C16orf89: variants seen among roughly 807,000 people sequenced by gnomAD.
C16orf89 encodes UPF0764 protein C16orf89.
Under a neutral mutation model 41.5 loss-of-function variants are expected in C16orf89, and 57 were observed. The observed-to-expected ratio is 1.38, with a 90% confidence interval of 1.11 to 1.71. The LOEUF is 1.71. Ranked by LOEUF, C16orf89 falls within the 40% of genes most tolerant of loss-of-function variation. The pLI, the probability that C16orf89 is intolerant of heterozygous loss-of-function variation, is 0.00. For missense variants in C16orf89, 575 were observed against 445.9 expected (o/e 1.29, Z -2.61); for synonymous variants, 223 against 190.6 (o/e 1.17, Z -1.40).
At chr16:5,065,666 C>T in intron 1 of C16orf89, 35 bp downstream of exon 1, 1 of 1,581,026 alleles carries the variant, frequency 6.3e-7, no homozygotes, top group East Asian at 2.2e-5. Context: ...AGCTAGCTTC[C>T]CAGTGTCCAG....
chr16:5,047,987 A>G (rs1321526888), intron 6 of C16orf89, 23 bp from the exon 7 acceptor site: 5 of 1,228,374 alleles, frequency 4.1e-6, no homozygotes, highest in South Asian at 2.5e-5. Flanking sequence ...CAAAAGTTGA[A>G]CTTCTCAAGA....
In C16orf89 at chr16:5,056,513, C is replaced by A. The variant is rs996056547; in HGVS notation, c.628-325G>T. ...GAGGGGCTCTCGTAGGGGGATGACA[C>A]AGCTGGGAAGTGCCCAATGTGATGC... On this transcript the variant is annotated intron_variant, in intron 4 of 7. Transcript: ENST00000472572. 2.0e-5 allele frequency among the ~76,000 whole-genome samples: 3 copies of A among 152,172 alleles called. No homozygotes were observed. In the East Asian group the frequency reaches 5.8e-4, roughly 29 times the overall value.
At chr16:5,051,629 A>G (rs1432951940) in intron 6 of C16orf89, among the ~76,000 whole-genome samples, 1 of 152,204 alleles carries the variant, frequency 6.6e-6, no homozygotes, top group African/African-American at 2.4e-5. Context: ...CATGCTACCG[A>G]AGTGATCTAC....
intron 4 of C16orf89, 55 bp downstream of exon 4, chr16:5,058,438 T>G: frequency 6.8e-7 from 1 of 1,475,214 alleles, no homozygotes; most frequent in Middle Eastern, 2.3e-4. Flanking sequence ...CGGCTGCCCC[T>G]TTTCCTTTTT....
At chr16:5,045,000 A>G (rs149640342) in intron 7 of C16orf89, among the ~76,000 whole-genome samples, 116 of 152,174 alleles carry the variant, frequency 7.6e-4, no homozygotes, top group African/African-American at 2.7e-3. Flanking sequence ...CCTCCCAAAT[A>G]ACTTACCAAT....
chr16:5,042,818 G>T (rs1020474816), downstream of C16orf89: 9 of 152,238 alleles, frequency 5.9e-5, no homozygotes, highest in African/African-American at 1.9e-4. The surrounding 1 kb of genome is among the most constrained non-coding windows in gnomAD (Gnocchi z 4.2). Flanking sequence ...AGAGCTCCAG[G>T]GAACACATTC....
intron 6 of C16orf89, among the ~76,000 whole-genome samples, chr16:5,051,475 G>A (rs1240620707): frequency 6.6e-6 from 1 of 151,830 alleles, no homozygotes; most frequent in Non-Finnish European, 1.5e-5. Flanking sequence ...AAAATACCCA[G>A]GAATAAATTT....
chr16:5,060,111 G>T, intron 3 of C16orf89, 175 bp downstream of exon 3: 1 of 729,940 alleles, frequency 1.4e-6, no homozygotes, highest in Admixed American at 3.3e-5. Context: ...GCTGGAGCAA[G>T]GGGGACCCTG....
Position 5,047,932 on chromosome 16 carries a change from G to A in C16orf89, c.901C>T (p.Gln301Ter). Residue 301 changes from glutamine to a stop codon, truncating the protein, a stop_gained, in exon 7 of 8, where the codon CAA becomes TAA. Transcript: ENST00000472572. LOFTEE classifies it high-confidence loss of function. ...CTCCTCGAAAAATGCTGCTGATATTGAATAGCTTTAGATAATTCTTCATCT... is the reference window on the plus strand; with the variant it reads ...CTCCTCGAAAAATGCTGCTGATATTAAATAGCTTTAGATAATTCTTCATCT... ...AEDEELSKAI[Q>*]YQQHFSRRVK... 6.2e-7 allele frequency: 1 copy of A among 1,603,072 alleles called. No homozygotes were observed. Among genetic ancestry groups the A allele is most frequent in the Non-Finnish European group, 8.5e-7 (1 of 1,170,954 alleles).
intron 7 of C16orf89, 115 bp from the exon 8 acceptor site, chr16:5,044,593 A>G: frequency 6.6e-7 from 1 of 1,526,368 alleles, no homozygotes; most frequent in Non-Finnish European, 8.8e-7. Context: ...CTATAATCCC[A>G]CACTTTGGGA....
chr16:5,047,845 A>G (rs765758110), intron 7 of C16orf89, 33 bp downstream of exon 7: 4 of 1,236,072 alleles, frequency 3.2e-6, no homozygotes, highest in East Asian at 4.6e-5. Flanking sequence ...TCTTAGTTTC[A>G]TGTCAAGAAA....
rs776704966 is a variant in C16orf89 at position 5,044,372 on chromosome 16, T to C, written c.1062A>G (p.Thr354=). The change falls in exon 8 of 8, where the codon ACA becomes ACG. Residue 354 remains threonine, a synonymous_variant. Coordinates refer to ENST00000472572, the MANE Select transcript of C16orf89 (RefSeq NM_001098514.3). ...CTCAGCGGCTGCTTGGTGGTGGCGG[T>C]GTGGATGGGTGTGGCTCTCTGTTTG... ...PPANREPHPS[T]PPPPSSR 2 of 1,608,898 alleles carry C rather than the reference T, an allele frequency of 1.2e-6. No homozygotes were observed. Among genetic ancestry groups the C allele is most frequent in the South Asian group, 2.2e-5 (2 of 90,452 alleles).
chr16:5,058,892 G>A (rs771760329), intron 3 of C16orf89, among the ~76,000 whole-genome samples: 2 of 151,984 alleles, frequency 1.3e-5, no homozygotes, highest in African/African-American at 2.4e-5. Flanking sequence ...TTCCAGCCCC[G>A]AACAGTGGGT....
At chr16:5,055,526 G>T (rs1195058463) in intron 5 of C16orf89, 176 bp from the exon 6 acceptor site, 21 of 963,500 alleles carry the variant, frequency 2.2e-5, no homozygotes, top group Non-Finnish European at 2.9e-5. Context: ...CCAACTAGGG[G>T]CTCCCATGCT....
At chr16:5,051,082 C>T (rs1283558337) in intron 6 of C16orf89, among the ~76,000 whole-genome samples, 2 of 152,002 alleles carry the variant, frequency 1.3e-5, no homozygotes, top group Non-Finnish European at 2.9e-5. Context: ...TATGACAGAC[C>T]CACAGCCAAC....
At chr16:5,048,066 T>C (rs948403181) in intron 6 of C16orf89, 102 bp from the exon 7 acceptor site, 3 of 689,952 alleles carry the variant, frequency 4.3e-6, no homozygotes, top group Non-Finnish European at 7.5e-6. Flanking sequence ...TCTCATTCTA[T>C]TGGCCAGGCT....
At chr16:5,064,408 T>C (rs1448133567) in intron 1 of C16orf89, among the ~76,000 whole-genome samples, 1 of 152,330 alleles carries the variant, frequency 6.6e-6, no homozygotes, top group East Asian at 1.9e-4. Context: ...GGCTGACAAG[T>C]ACTGAGCCCC....
intron 7 of C16orf89, 151 bp downstream of exon 7, chr16:5,047,727 C>G: frequency 1.5e-6 from 1 of 649,584 alleles, no homozygotes; most frequent in Non-Finnish European, 2.8e-6. Flanking sequence ...CCCCAGCCTC[C>G]CTTCCACCTC....
At chr16:5,043,143 T>G (rs1306968849), downstream of C16orf89, 2 of 152,418 alleles carry the variant, frequency 1.3e-5, no homozygotes, top group Non-Finnish European at 2.9e-5. Context: ...CACTGCAGCC[T>G]TGAACTCCTG....
Sources: gnomAD v4.1 joint callset for allele counts (sites outside exome capture counted in the v4.1 genomes callset) on GRCh38, gnomAD v4.1.1 for gene constraint, Gnocchi (gnomAD v3.1) non-coding constraint, MANE v1.5 for transcripts, NCBI Gene and HGNC (gene_info 2026-07-23, HGNC 2026-07-21) for gene names.